Variants in FHOD3 observed in about 807,000 individuals in gnomAD.
The protein encoded by FHOD3 is formin homology 2 domain containing 3.
A neutral mutation model predicts 173.0 loss-of-function variants in FHOD3; 90 were observed. The observed-to-expected ratio is 0.52, with a 90% CI of 0.44 to 0.62. The LOEUF (loss-of-function observed/expected upper bound fraction) is 0.62. Ranked by LOEUF, FHOD3 falls within the 20% of genes least tolerant of loss-of-function variation. The pLI, the probability that FHOD3 is intolerant of heterozygous loss-of-function variation, is 0.00. For synonymous variants in FHOD3, 828 were observed against 823.0 expected, an observed-to-expected ratio of 1.01 and a Z score of -0.10; for missense variants, 1,945 against 2,034.7, an observed-to-expected ratio of 0.96 and a Z score of 0.85.
rs1272976895 is a variant in FHOD3, at chr18:36,744,163, G to A, written c.4011G>A (p.Ser1337=). The change falls in exon 23 of 29, where the codon TCG becomes TCA. Residue 1337 remains serine, a synonymous_variant. Coordinates refer to ENST00000590592, the MANE Select transcript of FHOD3 (RefSeq NM_001281740.3). Reference sequence around the variant, plus strand: ...TCCCAGACAGCTCCGATCTGTACTCGGAGATCGGGGCCATCACCAGGTCAG... The same window carrying A: ...TCCCAGACAGCTCCGATCTGTACTCAGAGATCGGGGCCATCACCAGGTCAG... The part of the protein sequence containing the change: ...ENFPDSSDLY[S]EIGAITRSAK... 12 of 1,613,962 alleles carry A rather than the reference G, an allele frequency of 7.4e-6. 1 individual carries two copies. Among genetic ancestry groups the A allele is most frequent in the South Asian group, 2.2e-5 (2 of 91,052 alleles).
Position 36,307,892 on chromosome 18 carries a change from CTT to C in FHOD3, c.165+9895_165+9896del, listed in dbSNP as rs147609264. On this transcript the variant is annotated intron_variant, in intron 1 of 28. Coordinates refer to ENST00000590592, the MANE Select transcript of FHOD3 (RefSeq NM_001281740.3). ...CACCCAAAGGGAACCACTCTTAACACTTTTGTGTCTTGCCAGAATTTTAACAT... is the reference window on the plus strand; with the variant it reads ...CACCCAAAGGGAACCACTCTTAACACTTGTGTCTTGCCAGAATTTTAACAT... 2.2e-3 allele frequency among the ~76,000 whole-genome samples: 335 copies of C among 152,336 alleles called. 1 individual carries two copies. The highest frequency in any genetic ancestry group is 0.02 in the Middle Eastern group (6 of 294).
At position 36,760,755 on chromosome 18, in the gene FHOD3, G is replaced by A. The variant is rs149906669; in HGVS notation, c.4597G>A (p.Val1533Ile). 3.7e-6 allele frequency: 6 copies of A among 1,611,354 alleles called. No homozygotes were observed. In the African/African-American group the frequency reaches 6.7e-5, roughly 18 times the overall value. ...GGAGGACGCCACCCCCGCGCTGGGC[G>A]TCCGCACACGCAGCCGAGCAAGCCG... ...SVEDATPALG[V>I]RTRSRASRGS... Residue 1533 changes from valine to isoleucine, a missense_variant, in exon 27 of 29, where the codon GTC becomes ATC. By Grantham distance (29) the Val-to-Ile change is conservative (BLOSUM62 3). Transcript: ENST00000590592.
intron 18 of FHOD3, among the ~76,000 whole-genome samples, chr18:36,712,966 A>T (rs2149709996): frequency 6.6e-6 from 1 of 152,276 alleles, no homozygotes; most frequent in East Asian, 1.9e-4. Context: ...GGGGCGCAAC[A>T]TTTTGCAAGT....
chr18:36,579,295 A>T (rs2058763701), intron 6 of FHOD3, among the ~76,000 whole-genome samples: 1 of 152,194 alleles, frequency 6.6e-6, no homozygotes, highest in African/African-American at 2.4e-5. Context: ...TTATGGTTTT[A>T]TGATGGCCAT....
intron 3 of FHOD3, among the ~76,000 whole-genome samples, chr18:36,498,160 TAAATG>T (rs1380825958): frequency 6.6e-6 from 1 of 151,924 alleles, no homozygotes; most frequent in Non-Finnish European, 1.5e-5. Context: ...AATTTTCAAA[TAAATG>T]AAAATGAAAA....
chr18:36,410,132 A>G (rs1202633233), intron 3 of FHOD3, among the ~76,000 whole-genome samples: 2 of 152,176 alleles, frequency 1.3e-5, no homozygotes, highest in Non-Finnish European at 2.9e-5. Context: ...ATCCTCAAAA[A>G]AAACACCACA....
intron 14 of FHOD3, among the ~76,000 whole-genome samples, chr18:36,660,438 G>A (rs2644268): frequency 2.1e-4 from 32 of 152,108 alleles, no homozygotes; most frequent in Middle Eastern, 3.4e-3. Context: ...AAGCCACTGG[G>A]GTGAGGCTGC....
At chr18:36,450,068 C>A (rs934777654) in intron 3 of FHOD3, among the ~76,000 whole-genome samples, 1 of 152,048 alleles carries the variant, frequency 6.6e-6, no homozygotes, top group East Asian at 1.9e-4. Context: ...TATCCCTCAC[C>A]CCGCTCCCAC....
chr18:36,741,325 A>G lies in FHOD3; in HGVS notation c.3759+487A>G, dbSNP rs370893659. Among the ~76,000 whole-genome samples, 206 of 152,320 alleles carry G rather than the reference A, an allele frequency of 1.4e-3. No individual in the cohort carries two copies. The Middle Eastern group carries it at 0.044, about 33-fold the overall frequency. On this transcript the variant is annotated intron_variant, in intron 21 of 28. Coordinates refer to ENST00000590592, the MANE Select transcript of FHOD3 (RefSeq NM_001281740.3). ...GCTTGAGGAGGCTCCTCCTGAGTAG[A>G]AAGCAGAGGACATGGGCATCCTCTC...
Position 36,625,525 on chromosome 18 carries a change from C to T in FHOD3, c.972C>T (p.His324=), listed in dbSNP as rs201237691. The part of the protein sequence containing the change: ...QLNIYEVALR[H]EDGDETTEPP... ...TGCTTTTCCAGGTGGCGCTCAGGCA[C>T]GAGGATGGCGATGAGACCACGGAGC... Residue 324 remains histidine (H), a synonymous_variant, in exon 10 of 29, where the codon CAC becomes CAT. Coordinates refer to ENST00000590592, the MANE Select transcript of FHOD3 (RefSeq NM_001281740.3). 4.0e-5 allele frequency: 57 copies of T among 1,439,872 alleles called. No individual in the cohort carries two copies. The African/African-American group carries it at 5.2e-4, about 13-fold the overall frequency. 89.2% of individuals were successfully genotyped at this position (1,439,872 alleles called of 1,614,324 possible).
intron 3 of FHOD3, among the ~76,000 whole-genome samples, chr18:36,480,750 A>G (rs774348883): frequency 6.6e-6 from 1 of 152,194 alleles, no homozygotes; most frequent in Non-Finnish European, 1.5e-5. Flanking sequence ...GAATAGACCA[A>G]CCTCCATATT....
At chr18:36,739,306 A>T (rs544044746) in intron 20 of FHOD3, among the ~76,000 whole-genome samples, 8 of 152,288 alleles carry the variant, frequency 5.3e-5, no homozygotes, top group African/African-American at 1.9e-4. Context: ...GTTGCCAAGA[A>T]CCCATACTTT....
At chr18:36,429,027 G>A (rs1054584437) in intron 3 of FHOD3, among the ~76,000 whole-genome samples, 7 of 152,196 alleles carry the variant, frequency 4.6e-5, no homozygotes, top group African/African-American at 1.4e-4. Context: ...ATTGCTTGGA[G>A]TAAAGATAGA....
At chr18:36,600,252 A>AAC (rs67473480) in intron 7 of FHOD3, among the ~76,000 whole-genome samples, 7,298 of 143,040 alleles carry the variant, frequency 0.051, 481 homozygotes, top group African/African-American at 0.16. Context: ...TCTCCTCTGC[A>AAC]ACACACACAC....
chr18:36,325,911 A>G (rs555779780), intron 1 of FHOD3, among the ~76,000 whole-genome samples: 1 of 152,362 alleles, frequency 6.6e-6, no homozygotes, highest in South Asian at 2.1e-4. Flanking sequence ...CAAGAATTCC[A>G]TTGTCAGAAT....
intron 3 of FHOD3, among the ~76,000 whole-genome samples, chr18:36,458,186 G>C (rs9652993): frequency 6.6e-6 from 1 of 152,042 alleles, no homozygotes; most frequent in East Asian, 1.9e-4. Context: ...TGGAGGTTCA[G>C]AGGAAACTTA....
At chr18:36,777,213 T>C (rs1294540648) in intron 28 of FHOD3, among the ~76,000 whole-genome samples, 1 of 148,122 alleles carries the variant, frequency 6.8e-6, no homozygotes, top group Non-Finnish European at 1.5e-5. Context: ...TTTTTTTTTT[T>C]TTTTTTTGAG....
chr18:36,416,592 AT>A (rs2049664429), intron 3 of FHOD3, among the ~76,000 whole-genome samples: 1 of 151,998 alleles, frequency 6.6e-6, no homozygotes, highest in Non-Finnish European at 1.5e-5. Flanking sequence ...TGTAATTTTG[AT>A]TTGTGAGGTT....
At position 36,517,470 on chromosome 18, in the gene FHOD3, T is replaced by A. The variant is rs186261417; in HGVS notation, c.511+4927T>A. Among the ~76,000 whole-genome samples, 361 of 152,170 alleles carry A rather than the reference T, an allele frequency of 2.4e-3. 3 individuals are homozygous for A. The highest frequency in any genetic ancestry group is 2.6e-3 in the Non-Finnish European group (174 of 68,006). ...TGCATGTGTCTTGTATGTTTGGAAA[T>A]TGCACATATGTACTGTGCTTTGGAG... On this transcript the variant is annotated intron_variant, in intron 5 of 28. Transcript: ENST00000590592.
Sources: allele counts gnomAD v4.1 joint callset (sites outside exome capture counted in the v4.1 genomes callset), GRCh38; gene constraint gnomAD v4.1.1; transcripts MANE v1.5; gene names NCBI Gene and HGNC (gene_info 2026-07-23, HGNC 2026-07-21).